Variants in MAPKAP1 observed in about 807,000 individuals in gnomAD.
MAPKAP1 encodes target of rapamycin complex 2 subunit MAPKAP1.
Under a neutral mutation model 65.7 loss-of-function variants are expected in MAPKAP1, and 20 were observed. That is an observed-to-expected ratio of 0.30 (90% CI 0.21 to 0.44). The LOEUF is 0.44. Among genes scored for constraint, MAPKAP1 ranks in the 20% least tolerant of loss-of-function variants. The pLI is 1.00. For missense variants in MAPKAP1, 423 were observed against 648.0 expected, an observed-to-expected ratio of 0.65 and a Z score of 3.77; for synonymous variants, 222 against 244.3, an observed-to-expected ratio of 0.91 and a Z score of 0.85.
intron 7 of MAPKAP1, among the ~76,000 whole-genome samples, chr9:125,536,119 G>A (rs1830066824): frequency 6.6e-6 from 1 of 152,164 alleles, no homozygotes. Flanking sequence ...AAATAATTGG[G>A]TCTCTAAAGT....
At chr9:125,501,015 A>G (rs1047096074) in intron 8 of MAPKAP1, among the ~76,000 whole-genome samples, 1 of 152,194 alleles carries the variant, frequency 6.6e-6, no homozygotes, top group African/African-American at 2.4e-5. Context: ...TCACTATGGT[A>G]TGGTACTAGA....
At chr9:125,651,984 G>C (rs1833907175) in intron 4 of MAPKAP1, 2 of 566,068 alleles carry the variant, frequency 3.5e-6, no homozygotes, top group Admixed American at 4.9e-5. Flanking sequence ...TTGGGAAAGA[G>C]ATCCAGAAGC....
intron 8 of MAPKAP1, among the ~76,000 whole-genome samples, chr9:125,499,815 A>C (rs1461241163): frequency 6.6e-6 from 1 of 152,082 alleles, no homozygotes; most frequent in Non-Finnish European, 1.5e-5. Context: ...CACCATCTCT[A>C]CAAAAAGAAA....
intron 4 of MAPKAP1, among the ~76,000 whole-genome samples, chr9:125,618,264 C>G (rs1260760123): frequency 7.4e-6 from 1 of 134,586 alleles, no homozygotes; most frequent in Non-Finnish European, 1.5e-5. Context: ...ATCGCTTGAA[C>G]CTGGAAGGGT....
chr9:125,449,129 A>G (rs1318717455), intron 10 of MAPKAP1, among the ~76,000 whole-genome samples: 1 of 152,214 alleles, frequency 6.6e-6, no homozygotes, highest in East Asian at 1.9e-4. Context: ...TTCTGTTTAA[A>G]TTAAGGTTTA....
intron 1 of MAPKAP1, among the ~76,000 whole-genome samples, chr9:125,680,070 T>A (rs1834775738): frequency 6.6e-6 from 1 of 152,054 alleles, no homozygotes; most frequent in Admixed American, 6.5e-5. Flanking sequence ...TAACAACATG[T>A]AACAGCAGAT....
At chr9:125,576,913 G>A (rs1349955493) in intron 5 of MAPKAP1, among the ~76,000 whole-genome samples, 33 of 152,238 alleles carry the variant, frequency 2.2e-4, no homozygotes, top group African/African-American at 7.5e-4. Flanking sequence ...CCAAAGTGCC[G>A]AGATTGCAGC....
intron 9 of MAPKAP1, among the ~76,000 whole-genome samples, chr9:125,483,713 G>A (rs1349760448): frequency 2.0e-5 from 3 of 152,174 alleles, no homozygotes; most frequent in East Asian, 1.9e-4. Context: ...CACTGTGTGA[G>A]TTGGGCATGA....
At chr9:125,622,853 C>T (rs1449192729) in intron 4 of MAPKAP1, among the ~76,000 whole-genome samples, 2 of 152,126 alleles carry the variant, frequency 1.3e-5, no homozygotes, top group African/African-American at 2.4e-5. Flanking sequence ...CCCTCTCATG[C>T]GGAGCCGAAG....
At chr9:125,559,504 T>A in intron 6 of MAPKAP1, 129 bp downstream of exon 6, 2 of 769,342 alleles carry the variant, frequency 2.6e-6, no homozygotes, top group Non-Finnish European at 4.2e-6. Flanking sequence ...TCTCTGGGAG[T>A]CATCGTTATT....
intron 9 of MAPKAP1, among the ~76,000 whole-genome samples, chr9:125,478,532 G>A (rs1036398127): frequency 6.6e-6 from 1 of 152,180 alleles, no homozygotes; most frequent in African/African-American, 2.4e-5. Context: ...GTTTTGTCAT[G>A]TTGTCCAGAC....
intron 9 of MAPKAP1, among the ~76,000 whole-genome samples, chr9:125,473,503 A>T (rs1854000553): frequency 6.6e-6 from 1 of 152,204 alleles, no homozygotes; most frequent in Admixed American, 6.5e-5. Context: ...CAACGCCAGC[A>T]TATAAATCCT....
intron 11 of MAPKAP1, among the ~76,000 whole-genome samples, chr9:125,444,133 A>G (rs1433124520): frequency 2.0e-5 from 3 of 152,252 alleles, no homozygotes; most frequent in African/African-American, 7.2e-5. Flanking sequence ...CAAAACAATA[A>G]TAATTTCCTC....
chr9:125,604,699 C>T (rs1832394473), intron 4 of MAPKAP1, among the ~76,000 whole-genome samples: 3 of 152,182 alleles, frequency 2.0e-5, no homozygotes, highest in Admixed American at 2.0e-4. Context: ...CCAAATTTAT[C>T]TCCCAATAGT....
intron 1 of MAPKAP1, among the ~76,000 whole-genome samples, chr9:125,693,594 C>A (rs13295638): frequency 6.8e-6 from 1 of 147,634 alleles, no homozygotes; most frequent in Non-Finnish European, 1.5e-5. Flanking sequence ...TACACGTATA[C>A]ACACACACAT....
chr9:125,492,016 CT>C (rs1400304778), intron 8 of MAPKAP1, among the ~76,000 whole-genome samples: 1 of 144,170 alleles, frequency 6.9e-6, no homozygotes, highest in Non-Finnish European at 1.5e-5. Context: ...CATAGTGAGA[CT>C]TTATCTCTAC....
At chr9:125,497,117 G>C (rs1003625861) in intron 8 of MAPKAP1, among the ~76,000 whole-genome samples, 3 of 152,132 alleles carry the variant, frequency 2.0e-5, no homozygotes, top group Non-Finnish European at 4.4e-5. Context: ...GGGGCCTCAG[G>C]GGGAAAATTA....
intron 8 of MAPKAP1, among the ~76,000 whole-genome samples, chr9:125,497,342 T>G (rs563041662): frequency 4.6e-4 from 70 of 152,332 alleles, no homozygotes; most frequent in East Asian, 2.1e-3. Context: ...GAAGCTGAAT[T>G]AATGTTTACA....
intron 4 of MAPKAP1, among the ~76,000 whole-genome samples, chr9:125,608,316 A>G (rs1189572713): frequency 6.6e-6 from 1 of 152,172 alleles, no homozygotes; most frequent in Non-Finnish European, 1.5e-5. Flanking sequence ...ATTTATGTTC[A>G]CATCTCTTGC....
Sources: allele counts gnomAD v4.1 joint callset (sites outside exome capture counted in the v4.1 genomes callset), GRCh38; gene constraint gnomAD v4.1.1; transcripts MANE v1.5; gene names NCBI Gene and HGNC (gene_info 2026-07-23, HGNC 2026-07-21).